Variants in PTPRN2 observed in about 807,000 individuals in gnomAD.
PTPRN2 encodes receptor-type tyrosine-protein phosphatase N2.
Under a neutral mutation model 118.8 loss-of-function variants are expected in PTPRN2, and 74 were observed. The ratio of observed to expected loss-of-function variants is 0.62; its 90% CI spans 0.52 to 0.76. The LOEUF (loss-of-function observed/expected upper bound fraction) is 0.76. PTPRN2 is among the 30% of genes least tolerant of loss of function. PTPRN2 has a pLI of 0.00. For synonymous variants in PTPRN2, 641 were observed against 608.0 expected, an observed-to-expected ratio of 1.05 and a Z score of -0.80; for missense variants, 1,481 against 1,394.4, an observed-to-expected ratio of 1.06 and a Z score of -0.99.
chr7:158,239,423 C>A (rs1465079405), intron 3 of PTPRN2, among the ~76,000 whole-genome samples: 2 of 152,146 alleles, frequency 1.3e-5, no homozygotes, highest in Non-Finnish European at 2.9e-5. Context: ...CACAAGCCAA[C>A]GCTCCGTAGC....
At chr7:157,759,813 C>T (rs1324916291) in intron 12 of PTPRN2, among the ~76,000 whole-genome samples, 1 of 152,216 alleles carries the variant, frequency 6.6e-6, no homozygotes, top group Admixed American at 6.5e-5. Context: ...TCAAAATGTG[C>T]CAGTCCATGT....
intron 11 of PTPRN2, among the ~76,000 whole-genome samples, chr7:158,072,756 C>T (rs754603763): frequency 6.6e-6 from 1 of 152,226 alleles, no homozygotes; most frequent in South Asian, 2.1e-4. Context: ...GTGCCACACA[C>T]TCCAGCTGCT....
chr7:157,760,423 G>A (rs1056123275), intron 12 of PTPRN2, among the ~76,000 whole-genome samples: 5 of 151,958 alleles, frequency 3.3e-5, no homozygotes, highest in Admixed American at 2.0e-4. Context: ...GGCTCATGAC[G>A]CAAATAAAAC....
At chr7:157,889,338 T>C (rs749893146) in intron 12 of PTPRN2, among the ~76,000 whole-genome samples, 14 of 151,738 alleles carry the variant, frequency 9.2e-5, no homozygotes, top group Admixed American at 4.6e-4. Context: ...CTTCCTTCTC[T>C]GAGGGCTGAA....
At chr7:158,232,074 G>C (rs1452580378) in intron 3 of PTPRN2, among the ~76,000 whole-genome samples, 1 of 151,864 alleles carries the variant, frequency 6.6e-6, no homozygotes, top group Non-Finnish European at 1.5e-5. Flanking sequence ...GCAAGAACAA[G>C]CCAAACCTAA....
At chr7:158,561,996 C>T (rs953192661) in intron 1 of PTPRN2, among the ~76,000 whole-genome samples, 1 of 152,182 alleles carries the variant, frequency 6.6e-6, no homozygotes, top group South Asian at 2.1e-4. Context: ...GCCTCTCTCT[C>T]GTGCGAAGAG....
In PTPRN2 at chr7:158,522,420, A is replaced by G. The variant is rs868242595; in HGVS notation, c.113-32635T>C. Among the ~76,000 whole-genome samples, 161 of 141,394 alleles carry G rather than the reference A, an allele frequency of 1.1e-3. 4 individuals are homozygous for G. The highest frequency in any genetic ancestry group is 1.5e-3 in the South Asian group (7 of 4,534). The allele number at this position is 141,394 out of a possible 152,430, so 92.8% of individuals were successfully genotyped here. ...TGGTGGACTGTCCAGGTGCTGGCTCAGGGGGAAGGTCCACATCGGAATGGT... is the reference window on the plus strand; with the variant it reads ...TGGTGGACTGTCCAGGTGCTGGCTCGGGGGGAAGGTCCACATCGGAATGGT... On this transcript the variant is annotated intron_variant, in intron 1 of 22. Transcript: ENST00000389418.
chr7:157,556,831 A>C (rs145714993), intron 21 of PTPRN2, among the ~76,000 whole-genome samples: 2 of 98,618 alleles, frequency 2.0e-5, no homozygotes, highest in African/African-American at 8.1e-5. Context: ...TGCACACACA[A>C]ATATACACAC....
At chr7:158,242,125 A>G (rs1795937429) in intron 3 of PTPRN2, among the ~76,000 whole-genome samples, 3 of 152,178 alleles carry the variant, frequency 2.0e-5, no homozygotes, top group African/African-American at 7.2e-5. Context: ...GCAGCCCAAG[A>G]GCCCAGCCTG....
At chr7:157,781,460 G>A (rs905784637) in intron 12 of PTPRN2, among the ~76,000 whole-genome samples, 3 of 152,134 alleles carry the variant, frequency 2.0e-5, no homozygotes, top group East Asian at 1.9e-4. Flanking sequence ...GGCCAGACTC[G>A]ACCACTGCAA....
At position 157,779,833 on chromosome 7, in the gene PTPRN2, T is replaced by C. The variant is rs1460333041; in HGVS notation, c.1789-96896A>G. On this transcript the variant is annotated intron_variant, in intron 12 of 22. Coordinates refer to ENST00000389418, the MANE Select transcript of PTPRN2 (RefSeq NM_002847.5). This position sits in a 1 kb window ranked among gnomAD's most constrained non-coding sequence, Gnocchi z 4.7. ...TGCTGGGTGATTTCATTCTCCCTGG[T>C]TGCTGAAAATGAGCAGTGTGTGTCC... Among the ~76,000 whole-genome samples, 1 of 152,188 alleles carries C rather than the reference T, an allele frequency of 6.6e-6. No individual in the cohort carries two copies. Among genetic ancestry groups the C allele is most frequent in the East Asian group, 1.9e-4 (1 of 5,194 alleles).
intron 12 of PTPRN2, among the ~76,000 whole-genome samples, chr7:157,790,269 TTGTGTGGTGTGAATG>T (rs1344289169): frequency 7.3e-6 from 1 of 136,074 alleles, no homozygotes; most frequent in African/African-American, 2.8e-5. Context: ...TGTGTGGTGT[TTGTGTGGTGTGAATG>T]TGTGTGGTGT....
chr7:158,571,534 T>G (rs1037997386), intron 1 of PTPRN2, among the ~76,000 whole-genome samples: 6 of 144,158 alleles, frequency 4.2e-5, no homozygotes, highest in African/African-American at 1.6e-4. Flanking sequence ...TCTTTTTTTT[T>G]TTTTTTTTTT....
At chr7:158,581,668 TTGG>T (rs1828633719) in intron 1 of PTPRN2, among the ~76,000 whole-genome samples, 1 of 152,194 alleles carries the variant, frequency 6.6e-6, no homozygotes, top group Admixed American at 6.5e-5. Context: ...GGGAATGCCC[TTGG>T]TTTTCTGAAT....
chr7:158,049,548 C>A (rs1809169063), intron 11 of PTPRN2, among the ~76,000 whole-genome samples: 1 of 152,174 alleles, frequency 6.6e-6, no homozygotes, highest in Non-Finnish European at 1.5e-5. Flanking sequence ...GAACTCGGCC[C>A]AACATTATAT....
chr7:158,262,534 T>TAC lies in PTPRN2; in HGVS notation c.277+54283_277+54284dup, dbSNP rs1350310826. On this transcript the variant is annotated intron_variant, in intron 3 of 22. Coordinates refer to ENST00000389418, the MANE Select transcript of PTPRN2 (RefSeq NM_002847.5). ...CACACACATTCACACACTGCACACA[T>TAC]ACACACATTCACACACTGCACACAC... 9.9e-5 allele frequency among the ~76,000 whole-genome samples: 10 copies of TAC among 101,432 alleles called. No individual in the cohort carries two copies. In the East Asian group the frequency reaches 1.0e-3, roughly 10 times the overall value. The allele number at this position is 101,432 out of a possible 152,430, so 66.5% of individuals were successfully genotyped here. A position where few individuals can be genotyped will look rare whatever the true frequency, so the allele number is the denominator to read the frequency against.
chr7:158,399,897 C>T (rs1427250567), intron 2 of PTPRN2, among the ~76,000 whole-genome samples: 2 of 152,094 alleles, frequency 1.3e-5, no homozygotes, highest in African/African-American at 2.4e-5. Flanking sequence ...GAGTGGGAAG[C>T]GGGACTCATT....
chr7:158,101,040 A>C (rs1311768731), intron 10 of PTPRN2, among the ~76,000 whole-genome samples: 2 of 152,238 alleles, frequency 1.3e-5, no homozygotes, highest in African/African-American at 4.8e-5. Context: ...ATTCATATGG[A>C]ACCAAAAAAG....
chr7:158,322,209 T>C (rs1803081425), intron 2 of PTPRN2, among the ~76,000 whole-genome samples: 1 of 152,160 alleles, frequency 6.6e-6, no homozygotes, highest in Admixed American at 6.5e-5. Context: ...CCTGCTTGCA[T>C]GGCCAGGCCA....
Sources: gnomAD v4.1 joint callset for allele counts (sites outside exome capture counted in the v4.1 genomes callset) on GRCh38, gnomAD v4.1.1 for gene constraint, Gnocchi (gnomAD v3.1) non-coding constraint, MANE v1.5 for transcripts, NCBI Gene and HGNC (gene_info 2026-07-23, HGNC 2026-07-21) for gene names.